NSD3: variants seen among roughly 807,000 people sequenced by gnomAD.
The protein encoded by NSD3 is histone-lysine N-methyltransferase NSD3.
In NSD3, 24 loss-of-function variants were observed where a neutral mutation model predicts 160.8. That is an observed-to-expected ratio of 0.15 (90% CI 0.11 to 0.21). The LOEUF is 0.21. Among genes scored for constraint, NSD3 ranks in the 10% least tolerant of loss-of-function variants. The probability of loss-of-function intolerance (pLI) is 1.00; values close to 1 mark genes in which losing one functional copy is unlikely to be tolerated. For missense variants in NSD3, 1,157 were observed against 1,735.9 expected, an observed-to-expected ratio of 0.67 and a Z score of 5.93; for synonymous variants, 520 against 600.0, an observed-to-expected ratio of 0.87 and a Z score of 1.95.
At chr8:38,312,925 A>G (rs535085641) in intron 12 of NSD3, among the ~76,000 whole-genome samples, 1 of 152,360 alleles carries the variant, frequency 6.6e-6, no homozygotes, top group East Asian at 1.9e-4. Context: ...GGCAGCATAT[A>G]TAAGTGACTG....
chr8:38,364,349 T>C (rs1260296009), intron 1 of NSD3, among the ~76,000 whole-genome samples: 1 of 152,142 alleles, frequency 6.6e-6, no homozygotes, highest in African/African-American at 2.4e-5. Context: ...AATAGTTTTA[T>C]CTATAGATAC....
chr8:38,313,211 G>A (rs1394895865), intron 12 of NSD3, among the ~76,000 whole-genome samples: 1 of 152,162 alleles, frequency 6.6e-6, no homozygotes, highest in African/African-American at 2.4e-5. Flanking sequence ...GTGTATTTGT[G>A]TGTGTGTGTA....
chr8:38,379,682 G>T (rs1199520642), intron 1 of NSD3, among the ~76,000 whole-genome samples: 1 of 152,162 alleles, frequency 6.6e-6, no homozygotes, highest in Non-Finnish European at 1.5e-5. Flanking sequence ...TATAACAACT[G>T]AGAGGATGTT....
Position 38,316,696 on chromosome 8 carries a change from C to T in NSD3, c.1856-654G>A. 9.5e-7 allele frequency: 1 copy of T among 1,055,460 alleles called. No homozygotes were observed. Among genetic ancestry groups the T allele is most frequent in the Non-Finnish European group, 1.1e-6 (1 of 873,172 alleles). 65.4% of individuals were successfully genotyped at this position (1,055,460 alleles called of 1,614,324 possible). On this transcript the variant is annotated intron_variant, in intron 9 of 23. Transcript: ENST00000317025. The surrounding 1 kb of genome is among the most constrained non-coding windows in gnomAD (Gnocchi z 4.5). Reference sequence around the variant, plus strand: ...CACATTGCTGAGGGCTGTAAATGGACAATCAGTGTTCAAGTGCAGCCAAAT... The same window carrying T: ...CACATTGCTGAGGGCTGTAAATGGATAATCAGTGTTCAAGTGCAGCCAAAT...
intron 19 of NSD3, among the ~76,000 whole-genome samples, chr8:38,286,446 C>T (rs370737317): frequency 2.6e-5 from 4 of 152,158 alleles, no homozygotes; most frequent in Admixed American, 6.5e-5. Flanking sequence ...CAGCCCCAGT[C>T]GGCACCTTGA....
At chr8:38,370,551 C>T (rs1056245165) in intron 1 of NSD3, among the ~76,000 whole-genome samples, 3 of 152,084 alleles carry the variant, frequency 2.0e-5, no homozygotes, top group Non-Finnish European at 4.4e-5. Flanking sequence ...GAAGGACTTT[C>T]TAAAATCTCT....
chr8:38,330,960 GAAT>G (rs1223982498), intron 5 of NSD3, among the ~76,000 whole-genome samples: 4 of 151,998 alleles, frequency 2.6e-5, no homozygotes, highest in African/African-American at 9.7e-5. Context: ...AGGTTGTTAT[GAAT>G]AATAAGTGAG....
At chr8:38,277,955 T>G (rs1275024046) in intron 22 of NSD3, among the ~76,000 whole-genome samples, 1 of 151,458 alleles carries the variant, frequency 6.6e-6, no homozygotes, top group Non-Finnish European at 1.5e-5. Flanking sequence ...TTTTTTTTTT[T>G]TGAGATAGAG....
At chr8:38,343,145 C>T (rs766237936) in intron 2 of NSD3, among the ~76,000 whole-genome samples, 2 of 151,484 alleles carry the variant, frequency 1.3e-5, no homozygotes, top group African/African-American at 2.4e-5. Flanking sequence ...TGCAGTGAGC[C>T]GAGATCGTGC....
At chr8:38,331,872 T>C (rs913285837) in intron 4 of NSD3, among the ~76,000 whole-genome samples, 5 of 152,242 alleles carry the variant, frequency 3.3e-5, no homozygotes, top group Non-Finnish European at 7.3e-5. Flanking sequence ...ATTCTTCTCA[T>C]TAACTTTTTA....
intron 1 of NSD3, among the ~76,000 whole-genome samples, chr8:38,367,872 C>T (rs761698529): frequency 3.3e-5 from 5 of 152,100 alleles, no homozygotes; most frequent in Non-Finnish European, 7.4e-5. Flanking sequence ...AGCATGGCCA[C>T]GATTCTCTTT....
At chr8:38,303,434 A>G in intron 14 of NSD3, 7 of 982,130 alleles carry the variant, frequency 7.1e-6, no homozygotes, top group Non-Finnish European at 8.5e-6. Flanking sequence ...TCCTGCTCCA[A>G]AGGCAGACAG....
Position 38,303,342 on chromosome 8 carries a change from C to G in NSD3, c.2611+1245G>C, listed in dbSNP as rs1379896506. 8.1e-6 allele frequency: 8 copies of G among 985,300 alleles called. No individual in the cohort carries two copies. The African/African-American group carries it at 1.4e-4, about 17-fold the overall frequency. 61.0% of individuals were successfully genotyped at this position (985,300 alleles called of 1,614,324 possible). ...TGTTACGATATAGCAGGAAACATTT[C>G]AGACCTACTCCTCCATGATACCAGC... On this transcript the variant is annotated intron_variant, in intron 14 of 23. Transcript: ENST00000317025.
rs1809724272 is a variant in NSD3 at position 38,318,607 on chromosome 8, T to C, written c.1855+288A>G. 6.6e-6 allele frequency among the ~76,000 whole-genome samples: 1 copy of C among 152,206 alleles called. No individual in the cohort carries two copies. The highest frequency in any genetic ancestry group is 1.5e-5 in the Non-Finnish European group (1 of 68,038). Reference sequence around the variant, plus strand: ...AAGTGGATTCGTCACATCCCTAGTTTATAAGCCAGTGAAACCCCAGAATCT... The same window carrying C: ...AAGTGGATTCGTCACATCCCTAGTTCATAAGCCAGTGAAACCCCAGAATCT... On this transcript the variant is annotated intron_variant, in intron 9 of 23. Coordinates refer to ENST00000317025, the MANE Select transcript of NSD3 (RefSeq NM_023034.2). The surrounding 1 kb of genome is among the most constrained non-coding windows in gnomAD (Gnocchi z 5.3).
At chr8:38,337,234 T>A (rs1810243852) in intron 4 of NSD3, 71 bp downstream of exon 4, 1 of 1,329,402 alleles carries the variant, frequency 7.5e-7, no homozygotes, top group Non-Finnish European at 1.0e-6. Context: ...ATTCTTATAT[T>A]CACATACAAC....
At position 38,316,254 on chromosome 8, in the gene NSD3, C is replaced by T. The variant is rs1809660806; in HGVS notation, c.1856-212G>A. Among the ~76,000 whole-genome samples the T allele has an allele frequency of 6.6e-6, 1 of 152,204 alleles. No homozygotes were observed. Among genetic ancestry groups the T allele is most frequent in the Admixed American group, 6.5e-5 (1 of 15,282 alleles). On this transcript the variant is annotated intron_variant, in intron 9 of 23. Coordinates refer to ENST00000317025, the MANE Select transcript of NSD3 (RefSeq NM_023034.2). This position sits in a 1 kb window ranked among gnomAD's most constrained non-coding sequence, Gnocchi z 4.5. ...TTAATTTACAACCGCTCTATCAAAA[C>T]ATTTAATTCAGTTCTCCTCTCTAAA...
chr8:38,313,469 AT>A (rs1489790317), intron 12 of NSD3, among the ~76,000 whole-genome samples: 1 of 152,190 alleles, frequency 6.6e-6, no homozygotes, highest in African/African-American at 2.4e-5. Flanking sequence ...ATCAAATGAA[AT>A]AGCAGGAGAA....
At chr8:38,377,202 A>G (rs140424301) in intron 1 of NSD3, among the ~76,000 whole-genome samples, 10 of 152,046 alleles carry the variant, frequency 6.6e-5, no homozygotes, top group African/African-American at 2.2e-4. Flanking sequence ...ACAGGCACGC[A>G]CCACCATGCC....
chr8:38,290,208 T>C (rs1808969224), intron 17 of NSD3, among the ~76,000 whole-genome samples: 1 of 142,740 alleles, frequency 7.0e-6, no homozygotes, highest in Admixed American at 7.0e-5. Flanking sequence ...AGTGAGACCC[T>C]GTCTAAAAAA....
Sources: allele counts gnomAD v4.1 joint callset (sites outside exome capture counted in the v4.1 genomes callset), GRCh38; gene constraint gnomAD v4.1.1; non-coding constraint Gnocchi (gnomAD v3.1); transcripts MANE v1.5; gene names NCBI Gene and HGNC (gene_info 2026-07-23, HGNC 2026-07-21).